Variants in DACH2 observed in about 807,000 individuals in gnomAD.
DACH2 encodes the protein dachshund homolog 2.
DACH2 carries 17 observed loss-of-function variants against 35.8 expected under a neutral mutation model. The observed-to-expected ratio is 0.48, with a 90% confidence interval of 0.33 to 0.71. The LOEUF is 0.71. Among genes scored for constraint, DACH2 ranks in the 30% least tolerant of loss-of-function variants. DACH2 has a pLI of 0.02. For synonymous variants in DACH2, 195 were observed against 177.3 expected, an observed-to-expected ratio of 1.10 and a Z score of -0.79; for missense variants, 469 against 472.7, an observed-to-expected ratio of 0.99 and a Z score of 0.07.
At chrX:86,568,268 C>T (rs1316931610) in intron 3 of DACH2, among the ~76,000 whole-genome samples, 2 of 111,043 alleles carry the variant, frequency 1.8e-5, no homozygotes, top group Non-Finnish European at 3.8e-5. Context: ...TGACAGTGAA[C>T]CCTAATGTAA....
At chrX:86,769,430 G>T in intron 7 of DACH2, among the ~76,000 whole-genome samples, 1 of 112,117 alleles carries the variant, frequency 8.9e-6, no homozygotes, top group South Asian at 3.7e-4. Context: ...TGCAGAATTA[G>T]AAAAAGCTAT....
At position 86,695,026 on chromosome X, in the gene DACH2, A is replaced by T. The variant is rs1243413018; in HGVS notation, c.778A>T (p.Ser260Cys). ...TTTATATGAATATTTTTCAGGTGGA[A>T]GTGAATCCTCCTGGGATAAAGATAA... ...PDDLNSNTGG[S>C]ESSWDKDKMQ... The change falls in exon 5 of 12, where the codon AGT (serine) becomes TGT (cysteine). Residue 260 changes from serine to cysteine, a missense_variant. Ser to Cys is a moderately radical substitution (Grantham distance 112, BLOSUM62 -1). Transcript: ENST00000373125. 2 of 1,047,028 alleles carry T rather than the reference A, an allele frequency of 1.9e-6. No homozygotes were observed. Among genetic ancestry groups the T allele is most frequent in the Non-Finnish European group, 2.5e-6 (2 of 805,505 alleles). 86.3% of individuals were successfully genotyped at this position (1,047,028 alleles called of 1,213,427 possible).
intron 2 of DACH2, among the ~76,000 whole-genome samples, chrX:86,395,543 C>T (rs2036271834): frequency 9.0e-6 from 1 of 110,595 alleles, no homozygotes; most frequent in Non-Finnish European, 1.9e-5. Flanking sequence ...CTTCCTCCCC[C>T]CACCCCACAA....
At chrX:86,730,353 G>A (rs1232179135) in intron 6 of DACH2, among the ~76,000 whole-genome samples, 4 of 111,789 alleles carry the variant, frequency 3.6e-5, no homozygotes, top group Admixed American at 9.5e-5. Flanking sequence ...TCTGCAAAAT[G>A]GATCTTGCTT....
intron 1 of DACH2, among the ~76,000 whole-genome samples, chrX:86,316,888 G>A (rs2034920323): frequency 9.0e-6 from 1 of 110,973 alleles, no homozygotes; most frequent in Non-Finnish European, 1.9e-5. Flanking sequence ...GGGAGCCGGA[G>A]GCAGGTGGAT....
intron 3 of DACH2, among the ~76,000 whole-genome samples, chrX:86,516,672 C>T (rs764009245): frequency 1.7e-3 from 187 of 110,507 alleles, no homozygotes; most frequent in African/African-American, 5.6e-3. Context: ...GGGTATTAAG[C>T]TTATTACCCA....
chrX:86,727,301 T>C (rs1202017371), intron 6 of DACH2, among the ~76,000 whole-genome samples: 2 of 111,716 alleles, frequency 1.8e-5, no homozygotes, highest in African/African-American at 6.5e-5. Flanking sequence ...AAAAACAATA[T>C]GCAAAATTTG....
chrX:86,587,557 G>A (rs1310562364), intron 3 of DACH2, among the ~76,000 whole-genome samples: 8 of 110,905 alleles, frequency 7.2e-5, no homozygotes, highest in Admixed American at 3.9e-4. Context: ...ATTTGTCATC[G>A]ATGGCTCTAA....
chrX:86,790,451 C>A (rs1219548282), intron 7 of DACH2, among the ~76,000 whole-genome samples: 1 of 112,386 alleles, frequency 8.9e-6, no homozygotes, highest in Admixed American at 9.5e-5. Flanking sequence ...AATAAATCCA[C>A]TTTACATTGT....
intron 1 of DACH2, among the ~76,000 whole-genome samples, chrX:86,294,319 A>T (rs1430310561): frequency 9.1e-6 from 1 of 109,992 alleles, no homozygotes; most frequent in Non-Finnish European, 1.9e-5. Context: ...CTAGTTATAC[A>T]TTCTTCTAAA....
intron 1 of DACH2, among the ~76,000 whole-genome samples, chrX:86,169,294 A>G (rs2031047685): frequency 2.7e-5 from 3 of 110,618 alleles, no homozygotes; most frequent in Admixed American, 1.9e-4. Context: ...ATTTTATGTC[A>G]TTTTTTCCTC....
At chrX:86,233,492 T>C (rs1393030679) in intron 1 of DACH2, among the ~76,000 whole-genome samples, 1 of 112,079 alleles carries the variant, frequency 8.9e-6, no homozygotes, top group African/African-American at 3.2e-5. Context: ...GGACCATCCA[T>C]TTAAACTGGT....
chrX:86,402,277 T>C (rs1377902844), intron 2 of DACH2, among the ~76,000 whole-genome samples: 2 of 112,056 alleles, frequency 1.8e-5, no homozygotes, highest in Non-Finnish European at 3.8e-5. Flanking sequence ...ATTTTATACA[T>C]TGAAAACTCT....
At chrX:86,676,790 T>A (rs1400559607) in intron 4 of DACH2, among the ~76,000 whole-genome samples, 1 of 111,622 alleles carries the variant, frequency 9.0e-6, no homozygotes, top group Non-Finnish European at 1.9e-5. Context: ...ATAAATACTT[T>A]TAGGTTGTTG....
At chrX:86,501,237 G>A (rs952358125) in intron 2 of DACH2, among the ~76,000 whole-genome samples, 1 of 112,140 alleles carries the variant, frequency 8.9e-6, no homozygotes, top group Non-Finnish European at 1.9e-5. Context: ...GTGAAATCCT[G>A]TTGTATTTAA....
At position 86,521,933 on chromosome X, in the gene DACH2, A is replaced by C. The variant is rs750079265; in HGVS notation, c.640+7542A>C. ...TAGATTTATTTCAGAATAGTCCTTT[A>C]ATTTATATAGCTTGACATGTAAATC... On this transcript the variant is annotated intron_variant, in intron 3 of 11. Transcript: ENST00000373125. Among the ~76,000 whole-genome samples, 3 of 111,773 alleles carry C rather than the reference A, an allele frequency of 2.7e-5. No homozygotes were observed. In the East Asian group the frequency reaches 8.4e-4, roughly 31 times the overall value.
chrX:86,736,447 T>A (rs770414160), intron 6 of DACH2, among the ~76,000 whole-genome samples: 12 of 112,223 alleles, frequency 1.1e-4, no homozygotes, highest in African/African-American at 3.2e-4. Flanking sequence ...AGTTTCAGCA[T>A]AAATTATTGG....
chrX:86,270,280 C>G (rs1457314613), intron 1 of DACH2, among the ~76,000 whole-genome samples: 1 of 110,015 alleles, frequency 9.1e-6, no homozygotes, highest in Non-Finnish European at 1.9e-5. Flanking sequence ...GACTTTGACA[C>G]AAAATATGGC....
chrX:86,300,440 A>G (rs1171219323), intron 1 of DACH2, among the ~76,000 whole-genome samples: 1 of 109,695 alleles, frequency 9.1e-6, no homozygotes, highest in Non-Finnish European at 1.9e-5. Flanking sequence ...ACAAAAAACC[A>G]AACACTGCAT....
Sources: allele counts gnomAD v4.1 joint callset (sites outside exome capture counted in the v4.1 genomes callset), GRCh38; gene constraint gnomAD v4.1.1; transcripts MANE v1.5; gene names NCBI Gene and HGNC (gene_info 2026-07-23, HGNC 2026-07-21).